The following RAC3 variants were observed in gnomAD, a reference collection of about 807,000 sequenced individuals.
RAC3 encodes ras-related C3 botulinum toxin substrate 3.
RAC3 carries 9 observed loss-of-function variants against 19.0 expected under a neutral mutation model. The observed-to-expected ratio is 0.47, with a 90% CI of 0.29 to 0.83. The LOEUF is 0.83. Among genes scored for constraint, RAC3 ranks in the 40% least tolerant of loss-of-function variants. The probability of loss-of-function intolerance (pLI) is 0.09; values close to 1 mark genes in which losing one functional copy is unlikely to be tolerated. For synonymous variants in RAC3, 146 were observed against 111.8 expected, an observed-to-expected ratio of 1.31 and a Z score of -1.93; for missense variants, 203 against 260.8, an observed-to-expected ratio of 0.78 and a Z score of 1.53.
At position 82,032,859 on chromosome 17, in the gene RAC3, T is replaced by TG. The variant is rs546084089; in HGVS notation, c.225+38dup. On this transcript the variant is annotated intron_variant, in intron 3 of 5. Transcript: ENST00000306897. ...TAACAATGGGGCCAGCCCCGGGAGC[T>TG]GGGGGGGTCCCTGAGATCCGCACAA... is the stretch of plus-strand genomic sequence containing the variant. The TG allele has an allele frequency of 3.0e-4, 479 of 1,610,784 alleles. 6 individuals are homozygous for TG. The South Asian group carries it at 3.2e-3, about 11-fold the overall frequency.
chr17:82,033,780 T>C lies in RAC3; in HGVS notation c.530T>C (p.Leu177Pro), dbSNP rs2043456348. 6.2e-7 allele frequency: 1 copy of C among 1,612,142 alleles called. No individual in the cohort carries two copies. The highest frequency in any genetic ancestry group is 8.5e-7 in the Non-Finnish European group (1 of 1,179,618). The stretch of plus-strand genomic sequence containing the variant: ...TTTGACGAGGCGATCCGCGCGGTGC[T>C]CTGCCCGCCCCCAGTGAAGAAGCCG... The part of the protein sequence containing the change: ...TVFDEAIRAV[L>P]CPPPVKKPGK... Residue 177 changes from leucine to proline, a missense_variant, in exon 6 of 6, where the codon CTC becomes CCC. Around this residue, in one of 3 missense-constraint regions of RAC3, gnomAD observed 142 missense variants for 158.2 expected, o/e 0.90. Transcript: ENST00000306897. The surrounding 1 kb of genome is among the most constrained non-coding windows in gnomAD (Gnocchi z 6.2).
chr17:82,032,890 G>C, intron 3 of RAC3, 57 bp from the exon 4 acceptor site: 1 of 1,609,812 alleles, frequency 6.2e-7, no homozygotes, highest in Non-Finnish European at 8.5e-7. Flanking sequence ...CACAAGGGAG[G>C]GAGCAGGGCC....
Position 82,033,985 on chromosome 17 carries a change from T to C in RAC3, c.*156T>C. On this transcript the variant is annotated 3_prime_UTR_variant, in exon 6 of 6. Coordinates refer to ENST00000306897, the MANE Select transcript of RAC3 (RefSeq NM_005052.3). This position sits in a 1 kb window ranked among gnomAD's most constrained non-coding sequence, Gnocchi z 6.2. ...GATGAGGCTGGGTGGCAGGATCCTG[T>C]CCTCTCTGCCGCCTCATTCTGGGGT... is the stretch of plus-strand genomic sequence containing the variant. 1 of 1,000,138 alleles carries C rather than the reference T, an allele frequency of 1.0e-6. No individual in the cohort carries two copies. The highest frequency in any genetic ancestry group is 1.4e-6 in the Non-Finnish European group (1 of 703,524). 62.0% of individuals were successfully genotyped at this position (1,000,138 alleles called of 1,614,324 possible). A position where few individuals can be genotyped will look rare whatever the true frequency, so the allele number is the denominator to read the frequency against.
Position 82,033,118 on chromosome 17 carries a change from C to G in RAC3, c.288+109C>G. The G allele has an allele frequency of 8.0e-7, 1 of 1,254,638 alleles. No homozygotes were observed. The highest frequency in any genetic ancestry group is 1.1e-6 in the Non-Finnish European group (1 of 873,936). The allele number at this position is 1,254,638 out of a possible 1,614,324, so 77.7% of individuals were successfully genotyped here. A position where few individuals can be genotyped will look rare whatever the true frequency, so the allele number is the denominator to read the frequency against. On this transcript the variant is annotated intron_variant, in intron 4 of 5. Coordinates refer to ENST00000306897, the MANE Select transcript of RAC3 (RefSeq NM_005052.3). This position sits in a 1 kb window ranked among gnomAD's most constrained non-coding sequence, Gnocchi z 6.2. Reference sequence around the variant, plus strand: ...ATACGGGTTCTGCCTGGGGTAGGCACACGGAGTGGGGTCTGAAGATGACCA... The same window carrying G: ...ATACGGGTTCTGCCTGGGGTAGGCAGACGGAGTGGGGTCTGAAGATGACCA...
At chr17:82,032,904 G>A (rs767915197) in intron 3 of RAC3, 43 bp from the exon 4 acceptor site, 2 of 1,610,158 alleles carry the variant, frequency 1.2e-6, no homozygotes, top group Non-Finnish European at 1.7e-6. Context: ...CAGGGCCCTG[G>A]GGAGCCCCTG....
At chr17:82,032,318 G>C in intron 1 of RAC3, 69 bp from the exon 2 acceptor site, 1 of 1,508,652 alleles carries the variant, frequency 6.6e-7, no homozygotes, top group Non-Finnish European at 9.2e-7. Context: ...TCCGGGAGAG[G>C]GGGCTGCCCT....
chr17:82,032,366 C>G (rs1158440439), intron 1 of RAC3, 21 bp from the exon 2 acceptor site: 1 of 1,611,040 alleles, frequency 6.2e-7, no homozygotes. Flanking sequence ...CCGGGAGCCA[C>G]GTGGCTTGCC....
rs889908448 is a variant in RAC3, at chr17:82,033,128, G to T, written c.288+119G>T. 9 of 1,173,712 alleles carry T rather than the reference G, an allele frequency of 7.7e-6. No homozygotes were observed. Among genetic ancestry groups the T allele is most frequent in the South Asian group, 1.3e-5 (1 of 78,208 alleles). 72.7% of individuals were successfully genotyped at this position (1,173,712 alleles called of 1,614,324 possible). A position where few individuals can be genotyped will look rare whatever the true frequency, so the allele number is the denominator to read the frequency against. On this transcript the variant is annotated intron_variant, in intron 4 of 5. Coordinates refer to ENST00000306897, the MANE Select transcript of RAC3 (RefSeq NM_005052.3). This position sits in a 1 kb window ranked among gnomAD's most constrained non-coding sequence, Gnocchi z 6.2. ...TGCCTGGGGTAGGCACACGGAGTGG[G>T]GTCTGAAGATGACCATGGGGGCTGA...
At chr17:82,032,204 C>T (rs1027024286) in intron 1 of RAC3, 183 bp from the exon 2 acceptor site, 3 of 616,054 alleles carry the variant, frequency 4.9e-6, no homozygotes, top group African/African-American at 3.7e-5. Flanking sequence ...CACCCCAGCC[C>T]CCGGAGCCCG....
chr17:82,032,548 C>T (rs1270213757), intron 2 of RAC3, 90 bp downstream of exon 2: 27 of 1,523,662 alleles, frequency 1.8e-5, no homozygotes, highest in Non-Finnish European at 2.4e-5. Context: ...TGGGCTTCCA[C>T]GTCGGCTCAG....
Position 82,033,831 on chromosome 17 carries a change from G to T in RAC3, c.*2G>T, listed in dbSNP as rs1255568802. 4 of 1,592,812 alleles carry T rather than the reference G, an allele frequency of 2.5e-6. No homozygotes were observed. Among genetic ancestry groups the T allele is most frequent in the Non-Finnish European group, 3.4e-6 (4 of 1,170,234 alleles). On this transcript the variant is annotated 3_prime_UTR_variant, in exon 6 of 6. Coordinates refer to ENST00000306897, the MANE Select transcript of RAC3 (RefSeq NM_005052.3). This position sits in a 1 kb window ranked among gnomAD's most constrained non-coding sequence, Gnocchi z 6.2. ...GGGAAGAAGTGCACCGTCTTCTAGAGCCCTGGCCCACCCGAGCCTGAGGGC... is the reference window on the plus strand; with the variant it reads ...GGGAAGAAGTGCACCGTCTTCTAGATCCCTGGCCCACCCGAGCCTGAGGGC...
Position 82,033,425 on chromosome 17 carries a change from C to T in RAC3, c.289-15C>T, listed in dbSNP as rs575614394. ...CCGACTCCGGGCCTAGGGATCAGAG[C>T]GTCTGTCCCTGCAGTGGTACCCGGA... On this transcript the variant is annotated splice_polypyrimidine_tract_variant and intron_variant, in intron 4 of 5. Transcript: ENST00000306897. The surrounding 1 kb of genome is among the most constrained non-coding windows in gnomAD (Gnocchi z 6.2). 1.5e-5 allele frequency: 24 copies of T among 1,578,474 alleles called. No homozygotes were observed. Among genetic ancestry groups the T allele is most frequent in the South Asian group, 4.6e-5 (4 of 86,050 alleles).
intron 3 of RAC3, 24 bp downstream of exon 3, chr17:82,032,852 C>T (rs72861739): frequency 0.089 from 144,023 of 1,612,098 alleles, 7,419 homozygotes; most frequent in Non-Finnish European, 0.11. Context: ...GGGCCAGCCC[C>T]GGGAGCTGGG....
At position 82,032,475 on chromosome 17, in the gene RAC3, C is replaced by A; in HGVS notation, c.107+17C>A. 1.9e-6 allele frequency: 3 copies of A among 1,611,650 alleles called. No individual in the cohort carries two copies. Among genetic ancestry groups the A allele is most frequent in the Non-Finnish European group, 2.5e-6 (3 of 1,178,782 alleles). The stretch of plus-strand genomic sequence containing the variant: ...CCCCACCGTGTGAGTGTGGGGGCTT[C>A]CCGGGAGAGCACAGGCCCTCCGTGT... On this transcript the variant is annotated intron_variant, in intron 2 of 5. Transcript: ENST00000306897.
In RAC3 at chr17:82,032,675, C is replaced by T. The variant is rs758814488; in HGVS notation, c.108-36C>T. 1.2e-5 allele frequency: 19 copies of T among 1,591,770 alleles called. No homozygotes were observed. In the African/African-American group the frequency reaches 2.1e-4, roughly 18 times the overall value. On this transcript the variant is annotated intron_variant, in intron 2 of 5. Coordinates refer to ENST00000306897, the MANE Select transcript of RAC3 (RefSeq NM_005052.3). ...GCAGGGCTGGGGGTTTCTGGGACCC[C>T]TCCCAAGCCCTGACCCTGCCCTCAC... is the stretch of plus-strand genomic sequence containing the variant.
rs12936090 is a variant in RAC3, at chr17:82,033,883, C to T, written c.*54C>T. ...GGCGGGGAGCAGCCCTGGACGTGTC[C>T]GCTGTTGTGTTGAGACGTGTGGTGT... On this transcript the variant is annotated 3_prime_UTR_variant, in exon 6 of 6. Coordinates refer to ENST00000306897, the MANE Select transcript of RAC3 (RefSeq NM_005052.3). This position sits in a 1 kb window ranked among gnomAD's most constrained non-coding sequence, Gnocchi z 6.2. 2.5e-5 allele frequency: 38 copies of T among 1,532,616 alleles called. No individual in the cohort carries two copies. Among genetic ancestry groups the T allele is most frequent in the Middle Eastern group, 1.9e-4 (1 of 5,336 alleles). 94.9% of individuals were successfully genotyped at this position (1,532,616 alleles called of 1,614,324 possible).
intron 1 of RAC3, 22 bp downstream of exon 1, chr17:82,031,818 C>G: frequency 1.7e-6 from 1 of 590,302 alleles, no homozygotes; most frequent in Non-Finnish European, 2.1e-6. Context: ...GCCCGGAGGC[C>G]GCTTGGCTGG....
Position 82,033,573 on chromosome 17 carries a change from A to G in RAC3, c.422A>G (p.Gln141Arg). Reference protein sequence around the residue: ...DKKLAPITYPQGLAMAREIGS... With the variant: ...DKKLAPITYPRGLAMAREIGS... ...AAGCTGGCACCCATCACCTACCCAC[A>G]GGGCCTGGCCATGGCCCGGGAGATT... The change falls in exon 5 of 6, where the codon CAG becomes CGG. Residue 141 changes from glutamine to arginine, a missense_variant. Transcript: ENST00000306897. This position sits in a 1 kb window ranked among gnomAD's most constrained non-coding sequence, Gnocchi z 6.2. The G allele has an allele frequency of 6.2e-7, 1 of 1,612,234 alleles. No individual in the cohort carries two copies. Among genetic ancestry groups the G allele is most frequent in the Middle Eastern group, 1.7e-4 (1 of 6,050 alleles).
At chr17:82,032,589 G>A in intron 2 of RAC3, 122 bp from the exon 3 acceptor site, 24 of 1,430,024 alleles carry the variant, frequency 1.7e-5, no homozygotes, top group Non-Finnish European at 2.3e-5. Flanking sequence ...CCCGGCTGGA[G>A]CTGAGGTGCT....
Sources: allele counts gnomAD v4.1 joint callset, GRCh38; gene constraint gnomAD v4.1.1; regional missense constraint gnomAD v4.1.1; non-coding constraint Gnocchi (gnomAD v3.1); transcripts MANE v1.5; gene names NCBI Gene and HGNC (gene_info 2026-07-23, HGNC 2026-07-21).